MAP2K6: variants seen among roughly 807,000 people sequenced by gnomAD.
MAP2K6 encodes mitogen-activated protein kinase kinase 6, also known as dual specificity mitogen-activated protein kinase kinase 6.
MAP2K6 carries 16 observed loss-of-function variants against 53.7 expected under a neutral mutation model. The ratio of observed to expected loss-of-function variants is 0.30; its 90% CI spans 0.20 to 0.45. The LOEUF (loss-of-function observed/expected upper bound fraction) is 0.45, where lower values mean the gene tolerates loss of function less well. MAP2K6 is among the 20% of genes least tolerant of loss of function. MAP2K6 has a pLI of 1.00. For synonymous variants in MAP2K6, 132 were observed against 143.1 expected, an observed-to-expected ratio of 0.92 and a Z score of 0.55; for missense variants, 204 against 411.9, an observed-to-expected ratio of 0.50 and a Z score of 4.37.
intron 11 of MAP2K6, among the ~76,000 whole-genome samples, chr17:69,538,994 G>A (rs1042512662): frequency 2.6e-5 from 4 of 152,134 alleles, no homozygotes; most frequent in African/African-American, 9.7e-5. Flanking sequence ...AAAACAAGCA[G>A]TGGGCTAAAT....
chr17:69,474,508 A>G (rs925348698), intron 1 of MAP2K6, among the ~76,000 whole-genome samples: 1 of 152,226 alleles, frequency 6.6e-6, no homozygotes, highest in African/African-American at 2.4e-5. Flanking sequence ...CAAAAATGTA[A>G]GAGCCACACC....
chr17:69,487,603 C>T (rs1001784081), intron 1 of MAP2K6, among the ~76,000 whole-genome samples: 3 of 152,186 alleles, frequency 2.0e-5, no homozygotes, highest in African/African-American at 7.2e-5. Flanking sequence ...TTGGTTTTCC[C>T]ATTTTAAGGG....
At chr17:69,431,145 C>T (rs1261838508) in intron 1 of MAP2K6, among the ~76,000 whole-genome samples, 2 of 152,092 alleles carry the variant, frequency 1.3e-5, no homozygotes, top group African/African-American at 4.8e-5. Flanking sequence ...CTTCTTTTTA[C>T]AAAGGAGGAA....
At chr17:69,470,964 AG>A (rs1192973754) in intron 1 of MAP2K6, among the ~76,000 whole-genome samples, 2 of 152,192 alleles carry the variant, frequency 1.3e-5, no homozygotes, top group African/African-American at 4.8e-5. Flanking sequence ...GGCTGTTTAT[AG>A]GGGCAGAGGC....
chr17:69,456,843 GCTGA>G (rs1387271692), intron 1 of MAP2K6, among the ~76,000 whole-genome samples: 4 of 152,284 alleles, frequency 2.6e-5, no homozygotes, highest in South Asian at 2.1e-4. Flanking sequence ...CTGCACTGCT[GCTGA>G]CTATCTTCCT....
intron 1 of MAP2K6, among the ~76,000 whole-genome samples, chr17:69,425,386 CA>C (rs1395083048): frequency 1.3e-5 from 2 of 151,880 alleles, no homozygotes. Flanking sequence ...TATCTCAGCT[CA>C]CTGCAACCTC....
chr17:69,495,307 C>T (rs1183985714), intron 1 of MAP2K6, among the ~76,000 whole-genome samples: 6 of 151,820 alleles, frequency 4.0e-5, no homozygotes, highest in East Asian at 1.9e-4. Context: ...GGCGAGACTT[C>T]GGCTCACTGC....
chr17:69,477,994 A>T (rs1908211935), intron 1 of MAP2K6, among the ~76,000 whole-genome samples: 1 of 152,204 alleles, frequency 6.6e-6, no homozygotes, highest in East Asian at 1.9e-4. Flanking sequence ...ACAGGGAGAG[A>T]GGACAGGTAA....
chr17:69,489,932 C>T (rs542262488), intron 1 of MAP2K6, among the ~76,000 whole-genome samples: 1 of 152,354 alleles, frequency 6.6e-6, no homozygotes, highest in African/African-American at 2.4e-5. Context: ...ACATGACTCT[C>T]ACAAACGTCC....
intron 1 of MAP2K6, among the ~76,000 whole-genome samples, chr17:69,458,951 C>T (rs1374232080): frequency 1.3e-5 from 2 of 152,132 alleles, no homozygotes; most frequent in Non-Finnish European, 2.9e-5. Flanking sequence ...TTAAAGCAAA[C>T]CTCTTAGAGG....
intron 1 of MAP2K6, among the ~76,000 whole-genome samples, chr17:69,488,801 A>G (rs1378689118): frequency 2.0e-5 from 3 of 152,154 alleles, no homozygotes; most frequent in African/African-American, 7.2e-5. Flanking sequence ...TTGCATAACT[A>G]ACTGTTGGAT....
In MAP2K6 at chr17:69,486,770, G is replaced by C. The variant is rs528893565; in HGVS notation, c.17-19010G>C. On this transcript the variant is annotated intron_variant, in intron 1 of 11. Transcript: ENST00000590474. ...CAATGTCATCCAAACCCCCTGCTTAGGGAAGGGGCATTCGTTTGTAAACAC... is the reference window on the plus strand; with the variant it reads ...CAATGTCATCCAAACCCCCTGCTTACGGAAGGGGCATTCGTTTGTAAACAC... Among the ~76,000 whole-genome samples, 3 of 147,762 alleles carry C rather than the reference G, an allele frequency of 2.0e-5. No homozygotes were observed. The South Asian group carries it at 6.4e-4, about 32-fold the overall frequency.
At chr17:69,512,210 G>A (rs2145237571) in intron 2 of MAP2K6, among the ~76,000 whole-genome samples, 1 of 151,852 alleles carries the variant, frequency 6.6e-6, no homozygotes. Context: ...GACTGGTAGA[G>A]GCTGTGAGCA....
Position 69,545,799 on chromosome 17 carries a change from T to G in MAP2K6, c.*4046T>G, listed in dbSNP as rs1025618483. The G allele has an allele frequency of 6.6e-6, 1 of 152,164 alleles. No individual in the cohort carries two copies. Among genetic ancestry groups the G allele is most frequent in the African/African-American group, 2.4e-5 (1 of 41,418 alleles). The allele number at this position is 152,164 out of a possible 1,614,324, so 9.4% of individuals were successfully genotyped here. A position where few individuals can be genotyped will look rare whatever the true frequency, so the allele number is the denominator to read the frequency against. On this transcript the variant is annotated 3_prime_UTR_variant, in exon 12 of 12. Transcript: ENST00000590474. Reference sequence around the variant, plus strand: ...ACTTTGGGAGGCTGAGGCAGGTGGATCACCTCAGGTCAGGAATTTGAGACC... The same window carrying G: ...ACTTTGGGAGGCTGAGGCAGGTGGAGCACCTCAGGTCAGGAATTTGAGACC...
intron 7 of MAP2K6, 80 bp downstream of exon 7, chr17:69,521,180 C>T: frequency 7.8e-7 from 1 of 1,277,032 alleles, no homozygotes. Flanking sequence ...TACCCCCAGT[C>T]CCCCATGGGT....
chr17:69,443,517 G>A (rs144349825), intron 1 of MAP2K6, among the ~76,000 whole-genome samples: 124 of 152,274 alleles, frequency 8.1e-4, no homozygotes, highest in African/African-American at 2.8e-3. Context: ...AAATCTGAGC[G>A]GTTATTCTAC....
intron 1 of MAP2K6, among the ~76,000 whole-genome samples, chr17:69,463,693 T>C (rs1225255840): frequency 1.3e-5 from 2 of 151,318 alleles, no homozygotes; most frequent in Non-Finnish European, 3.0e-5. Context: ...CACACACATA[T>C]ATACACACAA....
intron 1 of MAP2K6, among the ~76,000 whole-genome samples, chr17:69,445,222 A>T (rs772962599): frequency 1.3e-5 from 2 of 152,222 alleles, no homozygotes; most frequent in African/African-American, 4.8e-5. Flanking sequence ...CACCAGCCCC[A>T]AAGTACATTT....
chr17:69,485,499 T>A (rs1908499148), intron 1 of MAP2K6: 5 of 976,872 alleles, frequency 5.1e-6, no homozygotes, highest in Non-Finnish European at 4.9e-6. Flanking sequence ...AAATTTCATT[T>A]GAAACTACGG....
Sources: allele counts gnomAD v4.1 joint callset (sites outside exome capture counted in the v4.1 genomes callset), GRCh38; gene constraint gnomAD v4.1.1; transcripts MANE v1.5; gene names NCBI Gene and HGNC (gene_info 2026-07-23, HGNC 2026-07-21).